Variants in SPIRE1 observed in about 807,000 individuals in gnomAD.
SPIRE1 encodes spire type actin nucleation factor 1.
A neutral mutation model predicts 94.1 loss-of-function variants in SPIRE1; 40 were observed. That is an observed-to-expected ratio of 0.43 (90% confidence interval 0.33 to 0.55). SPIRE1 has a LOEUF of 0.55. Among genes scored for constraint, SPIRE1 ranks in the 20% least tolerant of loss-of-function variants. The pLI, the probability that SPIRE1 is intolerant of heterozygous loss-of-function variation, is 0.06. For synonymous variants in SPIRE1, 376 were observed against 371.7 expected (o/e 1.01, Z -0.13); for missense variants, 838 against 975.2 (o/e 0.86, Z 1.87).
chr18:12,536,991 A>C (rs1598446155), intron 3 of SPIRE1, among the ~76,000 whole-genome samples: 1 of 152,220 alleles, frequency 6.6e-6, no homozygotes, highest in East Asian at 1.9e-4. Flanking sequence ...TGTAGTTTGT[A>C]ATAGCCTTAA....
In SPIRE1 at chr18:12,449,721, T is replaced by C; in HGVS notation, c.2188A>G (p.Lys730Glu). The C allele has an allele frequency of 6.2e-7, 1 of 1,614,122 alleles. No individual in the cohort carries two copies. Among genetic ancestry groups the C allele is most frequent in the Non-Finnish European group, 8.5e-7 (1 of 1,180,026 alleles). Residue 730 changes from lysine to glutamate, a missense_variant, in exon 17 of 17, where the codon AAA becomes GAA. Lys to Glu is a moderately conservative substitution (Grantham distance 56, BLOSUM62 1). Around this residue, in one of 2 missense-constraint regions of SPIRE1, gnomAD observed 645 missense variants for 804.7 expected, o/e 0.80. Transcript: ENST00000409402. ...LVLANKRARL[K>E]RKTQSFYMSS... ...ATGTAGAAAGACTGCGTTTTCCTTT[T>C]CAATCGGGCCCTTTTGTTGGCCAAC...
chr18:12,650,091 T>G (rs1344255379), intron 1 of SPIRE1, among the ~76,000 whole-genome samples: 1 of 151,836 alleles, frequency 6.6e-6, no homozygotes, highest in Non-Finnish European at 1.5e-5. Flanking sequence ...ATACAAAAAT[T>G]AGCCAGGCGC....
At chr18:12,521,216 A>T (rs34460164) in intron 4 of SPIRE1, among the ~76,000 whole-genome samples, 2 of 152,204 alleles carry the variant, frequency 1.3e-5, no homozygotes, top group Non-Finnish European at 2.9e-5. Flanking sequence ...GTTTTATTTA[A>T]GATAAACCGA....
intron 2 of SPIRE1, among the ~76,000 whole-genome samples, chr18:12,550,571 A>G (rs969541848): frequency 1.3e-5 from 2 of 152,050 alleles, no homozygotes; most frequent in African/African-American, 4.8e-5. Flanking sequence ...TATGTTGCGC[A>G]GGCTAGTTTT....
At chr18:12,495,874 A>G in intron 7 of SPIRE1, 142 bp downstream of exon 7, 1 of 612,852 alleles carries the variant, frequency 1.6e-6, no homozygotes. Flanking sequence ...CAAAAAATAT[A>G]ATTTACAGCT....
intron 4 of SPIRE1, among the ~76,000 whole-genome samples, chr18:12,534,484 A>G (rs1302603181): frequency 6.6e-6 from 1 of 152,240 alleles, no homozygotes; most frequent in East Asian, 1.9e-4. Context: ...ATGTGTTACC[A>G]GAGGATACTA....
intron 2 of SPIRE1, among the ~76,000 whole-genome samples, chr18:12,554,116 T>C (rs957896648): frequency 2.0e-5 from 3 of 152,022 alleles, no homozygotes; most frequent in Non-Finnish European, 4.4e-5. Flanking sequence ...CTAGCCAAGA[T>C]GGTGAAACCC....
At chr18:12,457,853 T>C (rs373959937) in intron 12 of SPIRE1, among the ~76,000 whole-genome samples, 5 of 150,404 alleles carry the variant, frequency 3.3e-5, no homozygotes, top group East Asian at 1.9e-4. Context: ...TTTCTTTTTT[T>C]TTTTTTTTTG....
intron 10 of SPIRE1, among the ~76,000 whole-genome samples, chr18:12,477,817 G>C (rs1458274306): frequency 1.3e-5 from 2 of 152,284 alleles, no homozygotes; most frequent in East Asian, 1.9e-4. Flanking sequence ...TGCAGGAAGA[G>C]TGAACGGCTG....
At chr18:12,610,703 A>G (rs1862875806) in intron 2 of SPIRE1, among the ~76,000 whole-genome samples, 1 of 151,992 alleles carries the variant, frequency 6.6e-6, no homozygotes, top group African/African-American at 2.4e-5. Flanking sequence ...TGCTCCCCCC[A>G]AAACCACGCA....
chr18:12,632,163 T>C (rs1021610473), intron 2 of SPIRE1, among the ~76,000 whole-genome samples: 29 of 152,166 alleles, frequency 1.9e-4, no homozygotes, highest in African/African-American at 6.8e-4. Context: ...GCAAATGATA[T>C]CCTAGTAGTA....
intron 2 of SPIRE1, among the ~76,000 whole-genome samples, chr18:12,615,512 C>G (rs2037280526): frequency 7.8e-6 from 1 of 128,830 alleles, no homozygotes; most frequent in South Asian, 2.8e-4. Flanking sequence ...TGAACTCCAC[C>G]TTGGGCGACA....
At chr18:12,558,879 G>C (rs556742437) in intron 2 of SPIRE1, among the ~76,000 whole-genome samples, 1 of 151,908 alleles carries the variant, frequency 6.6e-6, no homozygotes, top group African/African-American at 2.4e-5. Context: ...CACAAACCCC[G>C]AGCTAGACAC....
At chr18:12,494,256 G>A (rs1174216112) in intron 7 of SPIRE1, among the ~76,000 whole-genome samples, 1 of 152,052 alleles carries the variant, frequency 6.6e-6, no homozygotes, top group Non-Finnish European at 1.5e-5. Flanking sequence ...ACATTTTTTA[G>A]TAACCACCCA....
intron 2 of SPIRE1, among the ~76,000 whole-genome samples, chr18:12,601,848 T>G (rs2036844183): frequency 6.6e-6 from 1 of 152,162 alleles, no homozygotes; most frequent in East Asian, 1.9e-4. Context: ...CTGCACCACC[T>G]TATCAGGCTT....
chr18:12,481,319 C>A (rs190563159), intron 9 of SPIRE1, among the ~76,000 whole-genome samples: 31 of 129,988 alleles, frequency 2.4e-4, no homozygotes, highest in African/African-American at 8.2e-4. Flanking sequence ...GTAGGATATT[C>A]CCCCCTAGCA....
chr18:12,504,461 C>T (rs2033766869), intron 6 of SPIRE1, among the ~76,000 whole-genome samples: 1 of 152,136 alleles, frequency 6.6e-6, no homozygotes, highest in African/African-American at 2.4e-5. Context: ...GAGCCAAGAT[C>T]ACGCCACTGC....
intron 3 of SPIRE1, among the ~76,000 whole-genome samples, chr18:12,535,863 G>A (rs963511345): frequency 1.3e-5 from 2 of 152,176 alleles, no homozygotes; most frequent in African/African-American, 4.8e-5. Context: ...GCTGAGGCAG[G>A]ACAATCGCTT....
intron 11 of SPIRE1, 125 bp from the exon 12 acceptor site, chr18:12,463,618 ATG>A (rs2031966456): frequency 1.3e-6 from 1 of 751,076 alleles, no homozygotes; most frequent in Non-Finnish European, 2.1e-6. Context: ...ATATTTTAAG[ATG>A]GTAATGGTAA....
Sources: allele counts gnomAD v4.1 joint callset (sites outside exome capture counted in the v4.1 genomes callset), GRCh38; gene constraint gnomAD v4.1.1; regional missense constraint gnomAD v4.1.1; transcripts MANE v1.5; gene names NCBI Gene and HGNC (gene_info 2026-07-23, HGNC 2026-07-21).